Variants in DNM3 observed in about 807,000 individuals in gnomAD.
DNM3 encodes the protein dynamin 3, also known as dynamin-3.
DNM3 carries 47 observed loss-of-function variants against 101.6 expected under a neutral mutation model. The ratio of observed to expected loss-of-function variants is 0.46; its 90% confidence interval spans 0.37 to 0.59. DNM3 has a LOEUF of 0.59. DNM3 is among the 20% of genes least tolerant of loss of function. The probability of loss-of-function intolerance (pLI) is 0.00; values close to 1 mark genes in which losing one functional copy is unlikely to be tolerated. For missense variants in DNM3, 849 were observed against 1,085.7 expected (o/e 0.78, Z 3.06); for synonymous variants, 385 against 387.9 (o/e 0.99, Z 0.09).
chr1:171,978,669 C>T (rs950082962), intron 2 of DNM3, among the ~76,000 whole-genome samples: 2 of 152,092 alleles, frequency 1.3e-5, no homozygotes, highest in Non-Finnish European at 2.9e-5. Flanking sequence ...GAGATCTTTC[C>T]AGCTACTGGG....
chr1:172,210,313 GCTTTTT>G (rs2060468817), intron 14 of DNM3, among the ~76,000 whole-genome samples: 1 of 101,650 alleles, frequency 9.8e-6, no homozygotes. Context: ...AAGAGAGCGT[GCTTTTT>G]TTTTTTTTTT....
chr1:172,235,158 A>AAAAC (rs962206184), intron 14 of DNM3, among the ~76,000 whole-genome samples: 1 of 151,556 alleles, frequency 6.6e-6, no homozygotes, highest in East Asian at 1.9e-4. Context: ...TTACAAGAAA[A>AAAAC]AAACAACCCC....
intron 16 of DNM3, among the ~76,000 whole-genome samples, chr1:172,318,835 G>A (rs2065538113): frequency 1.3e-5 from 2 of 152,120 alleles, no homozygotes; most frequent in South Asian, 4.1e-4. Flanking sequence ...TAGATTCAGT[G>A]CCATCCCCAT....
At chr1:172,274,662 T>G (rs991834394) in intron 15 of DNM3, among the ~76,000 whole-genome samples, 1 of 151,896 alleles carries the variant, frequency 6.6e-6, no homozygotes, top group Non-Finnish European at 1.5e-5. Flanking sequence ...ATCAAAATGG[T>G]GAGAAATTTA....
chr1:172,089,533 A>T (rs1031495915), intron 12 of DNM3, among the ~76,000 whole-genome samples: 1 of 152,228 alleles, frequency 6.6e-6, no homozygotes, highest in Non-Finnish European at 1.5e-5. Flanking sequence ...AATGTATTCT[A>T]AGCAGGCAGC....
chr1:172,234,888 A>G (rs1315614859), intron 14 of DNM3, among the ~76,000 whole-genome samples: 2 of 152,254 alleles, frequency 1.3e-5, no homozygotes, highest in African/African-American at 2.4e-5. Flanking sequence ...ACCTAAAACC[A>G]TAAAAACCCT....
chr1:172,071,960 C>T (rs1319179509), intron 11 of DNM3, among the ~76,000 whole-genome samples: 2 of 152,178 alleles, frequency 1.3e-5, no homozygotes, highest in Non-Finnish European at 2.9e-5. Context: ...CACAGACTCC[C>T]AGTTTCCAGG....
At chr1:171,860,607 G>A (rs2034073468) in intron 1 of DNM3, among the ~76,000 whole-genome samples, 1 of 151,918 alleles carries the variant, frequency 6.6e-6, no homozygotes, top group Non-Finnish European at 1.5e-5. Flanking sequence ...GACTTGCATT[G>A]CACTAGATGC....
At chr1:172,342,741 A>T (rs2066746765) in intron 17 of DNM3, among the ~76,000 whole-genome samples, 1 of 152,212 alleles carries the variant, frequency 6.6e-6, no homozygotes. Context: ...TTAAAGGGAA[A>T]AAAAAGTAAA....
intron 10 of DNM3, among the ~76,000 whole-genome samples, chr1:172,050,827 A>G (rs2050154808): frequency 1.3e-5 from 2 of 152,186 alleles, no homozygotes; most frequent in African/African-American, 4.8e-5. Flanking sequence ...AGATTGGCAC[A>G]TGTGTGGACA....
chr1:172,082,904 C>A (rs1319561665), intron 12 of DNM3, among the ~76,000 whole-genome samples: 2 of 152,328 alleles, frequency 1.3e-5, no homozygotes, highest in Admixed American at 6.5e-5. Context: ...GTGTAAATAT[C>A]TTTTGCATCC....
chr1:171,872,830 G>T (rs1253780277), intron 1 of DNM3, among the ~76,000 whole-genome samples: 2 of 151,684 alleles, frequency 1.3e-5, no homozygotes, highest in Non-Finnish European at 2.9e-5. Flanking sequence ...AGATACTCTT[G>T]CTTTTTCGAG....
At chr1:172,228,391 C>T (rs2061214445) in intron 14 of DNM3, among the ~76,000 whole-genome samples, 1 of 152,008 alleles carries the variant, frequency 6.6e-6, no homozygotes, top group African/African-American at 2.4e-5. Context: ...CTTCTCAGGT[C>T]GGTTTCACTC....
chr1:172,387,343 A>AT lies in DNM3; in HGVS notation c.2270dup (p.Gln758ThrfsTer63). 1 of 1,613,458 alleles carries AT rather than the reference A, an allele frequency of 6.2e-7. No homozygotes were observed. The highest frequency in any genetic ancestry group is 1.1e-5 in the South Asian group (1 of 91,040). On this transcript the variant is annotated frameshift_variant, in exon 19 of 21. Coordinates refer to ENST00000627582, the MANE Select transcript of DNM3 (RefSeq NM_015569.5). LOFTEE classifies it high-confidence loss of function. ...ACCCCCTCCAGTGGATGACTCCTGG[A>AT]TACAGCACTCTCGCAGGTAAGAAGA...
intron 17 of DNM3, among the ~76,000 whole-genome samples, chr1:172,361,586 A>T (rs779093518): frequency 3.9e-5 from 6 of 151,932 alleles, no homozygotes; most frequent in Non-Finnish European, 7.4e-5. Context: ...GACCAATTAA[A>T]TCATAATATT....
chr1:171,877,178 C>T (rs917080728), intron 1 of DNM3, among the ~76,000 whole-genome samples: 6 of 152,048 alleles, frequency 3.9e-5, no homozygotes, highest in Admixed American at 6.6e-5. Context: ...TAATTTTAGC[C>T]ATCCTCCCCT....
At chr1:171,855,856 A>C (rs2033551389) in intron 1 of DNM3, among the ~76,000 whole-genome samples, 1 of 152,080 alleles carries the variant, frequency 6.6e-6, no homozygotes. Flanking sequence ...TCTTTTGCAG[A>C]AGCTCTTAAG....
chr1:172,308,986 T>C, intron 16 of DNM3, 147 bp downstream of exon 16: 1 of 431,092 alleles, frequency 2.3e-6, no homozygotes, highest in Non-Finnish European at 4.1e-6. Context: ...GCTTACTCTT[T>C]TTATATTTTT....
chr1:172,130,791 G>A (rs2056894933), intron 13 of DNM3, among the ~76,000 whole-genome samples: 2 of 152,204 alleles, frequency 1.3e-5, no homozygotes, highest in East Asian at 1.9e-4. Context: ...CAGTAGGCTG[G>A]AAGTGGGGAA....
Sources: gnomAD v4.1 joint callset for allele counts (sites outside exome capture counted in the v4.1 genomes callset) on GRCh38, gnomAD v4.1.1 for gene constraint, MANE v1.5 for transcripts, NCBI Gene and HGNC (gene_info 2026-07-23, HGNC 2026-07-21) for gene names.